DOCK1: variants seen among roughly 807,000 people sequenced by gnomAD.
DOCK1 encodes the protein dedicator of cytokinesis 1, also known as dedicator of cytokinesis protein 1.
In DOCK1, 138 loss-of-function variants were observed where a neutral mutation model predicts 262.7. The observed-to-expected ratio is 0.53, with a 90% confidence interval of 0.46 to 0.61. The LOEUF (loss-of-function observed/expected upper bound fraction) is 0.61. Among genes scored for constraint, DOCK1 ranks in the 20% least tolerant of loss-of-function variants. DOCK1 has a pLI of 0.00. For missense variants in DOCK1, 1,908 were observed against 2,370.7 expected (o/e 0.80, Z 4.05); for synonymous variants, 866 against 867.4 (o/e 1.00, Z 0.03).
At position 127,419,709 on chromosome 10, in the gene DOCK1, A is replaced by G. The variant is rs1421443887; in HGVS notation, c.4736A>G (p.His1579Arg). 6 of 1,605,868 alleles carry G rather than the reference A, an allele frequency of 3.7e-6. No individual in the cohort carries two copies. Among genetic ancestry groups the G allele is most frequent in the South Asian group, 2.2e-5 (2 of 89,116 alleles). The change falls in exon 46 of 52, where the codon CAT (histidine) becomes CGT (arginine). Residue 1579 changes from histidine (H) to arginine (R), a missense_variant. Around this residue, in one of 9 missense-constraint regions of DOCK1, gnomAD observed 383 missense variants for 420.1 expected, o/e 0.91. Coordinates refer to ENST00000623213, the MANE Select transcript of DOCK1 (RefSeq NM_001290223.2). ...TACCTGCAGGAGCACCCTGAGGCCC[A>G]TGAAAAGATCGAGAAGCTCAAGGAC... is the stretch of plus-strand genomic sequence containing the variant. ...DRYLQEHPEA[H>R]EKIEKLKDLI...
In DOCK1 at chr10:127,446,349, T is replaced by C. The variant is rs2070553852; in HGVS notation, c.5414-1045T>C. ...ACTGTTTAATGGGTACAGAATTCCG[T>C]TTGGGGTGATGGAAATGTTTCAGAA... On this transcript the variant is annotated intron_variant, in intron 50 of 51. Coordinates refer to ENST00000623213, the MANE Select transcript of DOCK1 (RefSeq NM_001290223.2). The surrounding 1 kb of genome is among the most constrained non-coding windows in gnomAD (Gnocchi z 4.4). Among the ~76,000 whole-genome samples, 1 of 151,994 alleles carries C rather than the reference T, an allele frequency of 6.6e-6. No individual in the cohort carries two copies. The highest frequency in any genetic ancestry group is 2.4e-5 in the African/African-American group (1 of 41,422).
intron 1 of DOCK1, among the ~76,000 whole-genome samples, chr10:126,942,590 C>T (rs1036168158): frequency 5.3e-5 from 8 of 151,860 alleles, no homozygotes; most frequent in African/African-American, 1.5e-4. Context: ...CTTAATGGAA[C>T]GAGCCAGCCC....
At chr10:127,320,439 C>T (rs11017274) in intron 29 of DOCK1, among the ~76,000 whole-genome samples, 7,206 of 152,186 alleles carry the variant, frequency 0.047, 209 homozygotes, top group Non-Finnish European at 0.071. Flanking sequence ...AGCGCGGCCA[C>T]GTGGCTGGGA....
At chr10:127,251,049 T>G (rs964162500) in intron 28 of DOCK1, among the ~76,000 whole-genome samples, 1 of 151,764 alleles carries the variant, frequency 6.6e-6, no homozygotes, top group African/African-American at 2.4e-5. Flanking sequence ...CACAACCTCC[T>G]CCTCCAGGGT....
In DOCK1 at chr10:127,274,875, G is replaced by A. The variant is rs938254190; in HGVS notation, c.3044+17446G>A. ...GGAATAAGAATTTGTGGGGTAGGGT[G>A]TGCTTTGGAGGACCACAAGCAGAAT... On this transcript the variant is annotated intron_variant, in intron 29 of 51. Coordinates refer to ENST00000623213, the MANE Select transcript of DOCK1 (RefSeq NM_001290223.2). 5.9e-5 allele frequency among the ~76,000 whole-genome samples: 9 copies of A among 152,242 alleles called. No homozygotes were observed. The East Asian group carries it at 1.7e-3, about 30-fold the overall frequency.
chr10:127,024,047 A>G (rs1220261469), intron 14 of DOCK1, among the ~76,000 whole-genome samples: 1 of 152,178 alleles, frequency 6.6e-6, no homozygotes, highest in Non-Finnish European at 1.5e-5. Context: ...GGAGGTACTT[A>G]GAAGCTATTG....
At position 127,431,373 on chromosome 10, in the gene DOCK1, T is replaced by C. The variant is rs182314282; in HGVS notation, c.4915-1910T>C. Among the ~76,000 whole-genome samples, 17 of 152,326 alleles carry C rather than the reference T, an allele frequency of 1.1e-4. No homozygotes were observed. The East Asian group carries it at 2.9e-3, about 26-fold the overall frequency. ...CCCAGGGAGTGCCCTCTGTCTCTCC[T>C]TGACGGGAGTCATCCTCCTGCCAAC... On this transcript the variant is annotated intron_variant, in intron 47 of 51. Transcript: ENST00000623213.
intron 18 of DOCK1, among the ~76,000 whole-genome samples, chr10:127,034,062 C>A (rs1211108607): frequency 6.6e-6 from 1 of 152,160 alleles, no homozygotes; most frequent in African/African-American, 2.4e-5. Flanking sequence ...GGGATCTATG[C>A]AGCCGTGCAG....
chr10:127,369,323 CT>C (rs1285545438), intron 33 of DOCK1, among the ~76,000 whole-genome samples: 6 of 152,224 alleles, frequency 3.9e-5, no homozygotes, highest in African/African-American at 1.4e-4. Context: ...CAAAATAATT[CT>C]TGCCTAAAGA....
chr10:127,419,616 C>A, intron 45 of DOCK1, 50 bp from the exon 46 acceptor site: 1 of 1,534,260 alleles, frequency 6.5e-7, no homozygotes, highest in Non-Finnish European at 8.9e-7. Flanking sequence ...TGTGCAAAAA[C>A]CTGTGTTTGC....
chr10:127,434,195 A>G (rs1461904474), intron 48 of DOCK1, among the ~76,000 whole-genome samples: 4 of 150,948 alleles, frequency 2.6e-5, no homozygotes, highest in Non-Finnish European at 5.9e-5. Flanking sequence ...TTGGAGAGCA[A>G]ATGTTTTGTT....
chr10:127,044,109 C>T (rs1180826740), intron 21 of DOCK1, among the ~76,000 whole-genome samples: 4 of 152,166 alleles, frequency 2.6e-5, no homozygotes, highest in South Asian at 2.1e-4. Context: ...AAGAACATCC[C>T]GCTTAGAATC....
intron 12 of DOCK1, among the ~76,000 whole-genome samples, chr10:127,015,490 G>A (rs945647650): frequency 6.6e-6 from 1 of 152,084 alleles, no homozygotes; most frequent in Non-Finnish European, 1.5e-5. Flanking sequence ...CTGCCTCTTC[G>A]GGGCTCTTCT....
chr10:127,044,448 G>A (rs996631210), intron 21 of DOCK1, among the ~76,000 whole-genome samples: 5 of 152,130 alleles, frequency 3.3e-5, no homozygotes, highest in African/African-American at 9.7e-5. Context: ...CATTTTGTTC[G>A]CTGAGTGGAG....
intron 11 of DOCK1, among the ~76,000 whole-genome samples, chr10:127,010,230 G>A (rs1262501715): frequency 1.3e-5 from 2 of 152,312 alleles, no homozygotes; most frequent in East Asian, 3.9e-4. Flanking sequence ...ACTTTGGGAG[G>A]CCGAGGCAGG....
chr10:127,034,900 G>T (rs987460602), intron 18 of DOCK1, among the ~76,000 whole-genome samples: 1 of 152,178 alleles, frequency 6.6e-6, no homozygotes, highest in East Asian at 1.9e-4. Flanking sequence ...CCCCCGGGGG[G>T]TGGGGTCAGT....
intron 1 of DOCK1, among the ~76,000 whole-genome samples, chr10:126,964,541 C>T (rs984420313): frequency 3.7e-4 from 57 of 152,340 alleles, no homozygotes; most frequent in Non-Finnish European, 7.2e-4. Context: ...CATTGAAAAG[C>T]GTTTCCAACT....
chr10:127,045,171 C>T (rs1038901211), intron 21 of DOCK1, among the ~76,000 whole-genome samples: 4 of 130,732 alleles, frequency 3.1e-5, no homozygotes, highest in Non-Finnish European at 4.6e-5. Context: ...GCACTCCAGC[C>T]TGGGCTACAG....
chr10:126,965,109 A>G (rs1260908165), intron 1 of DOCK1, among the ~76,000 whole-genome samples: 2 of 152,332 alleles, frequency 1.3e-5, no homozygotes, highest in South Asian at 2.1e-4. Flanking sequence ...GAGCAACTCT[A>G]CAAGGTTGTG....
Sources: gnomAD v4.1 joint callset for allele counts (sites outside exome capture counted in the v4.1 genomes callset) on GRCh38, gnomAD v4.1.1 for gene constraint, gnomAD v4.1.1 regional missense constraint, Gnocchi (gnomAD v3.1) non-coding constraint, MANE v1.5 for transcripts, NCBI Gene and HGNC (gene_info 2026-07-23, HGNC 2026-07-21) for gene names.